The following RASGRP3 variants were observed in gnomAD, a reference collection of about 807,000 sequenced individuals.
RASGRP3 encodes RAS guanyl releasing protein 3, also known as ras guanyl-releasing protein 3.
Under a neutral mutation model 82.7 loss-of-function variants are expected in RASGRP3, and 54 were observed. That is an observed-to-expected ratio of 0.65 (90% CI 0.52 to 0.82). The LOEUF is 0.82. Ranked by LOEUF, RASGRP3 falls within the 40% of genes least tolerant of loss-of-function variation. RASGRP3 has a pLI of 0.00. For missense variants in RASGRP3, 861 were observed against 828.9 expected, an observed-to-expected ratio of 1.04 and a Z score of -0.48; for synonymous variants, 309 against 300.5, an observed-to-expected ratio of 1.03 and a Z score of -0.29.
chr2:33,555,283 T>C (rs1675820547), intron 14 of RASGRP3: 1 of 355,840 alleles, frequency 2.8e-6, no homozygotes, highest in Admixed American at 4.4e-5. Context: ...CATCAAACTT[T>C]AGTAGTTTCC....
chr2:33,499,414 C>G (rs770257921), intron 1 of RASGRP3, among the ~76,000 whole-genome samples: 1 of 152,088 alleles, frequency 6.6e-6, no homozygotes, highest in Non-Finnish European at 1.5e-5. Flanking sequence ...CAAAAATTAG[C>G]TGGGTGTGGT....
chr2:33,471,302 G>A (rs1355320586), intron 2 of RASGRP3, among the ~76,000 whole-genome samples: 2 of 129,928 alleles, frequency 1.5e-5, no homozygotes, highest in Non-Finnish European at 3.7e-5. Flanking sequence ...CATCCTCCCA[G>A]GTTGGTAGGA....
At chr2:33,547,915 C>G (rs938613037) in intron 13 of RASGRP3, among the ~76,000 whole-genome samples, 1 of 152,032 alleles carries the variant, frequency 6.6e-6, no homozygotes, top group African/African-American at 2.4e-5. Flanking sequence ...GGAAACATGT[C>G]TCCGTGTTAC....
At chr2:33,554,536 G>A (rs891487590) in intron 14 of RASGRP3, among the ~76,000 whole-genome samples, 13 of 151,724 alleles carry the variant, frequency 8.6e-5, no homozygotes, top group Non-Finnish European at 1.2e-4. Context: ...GCAGTGGTGC[G>A]GTCTCAGCTC....
chr2:33,507,561 T>C (rs1439894229), intron 1 of RASGRP3, among the ~76,000 whole-genome samples: 1 of 152,222 alleles, frequency 6.6e-6, no homozygotes, highest in African/African-American at 2.4e-5. Flanking sequence ...AGTCTCTCTA[T>C]GTTGCCCAGG....
chr2:33,508,447 C>T (rs62148985), intron 1 of RASGRP3, among the ~76,000 whole-genome samples: 12,578 of 152,182 alleles, frequency 0.083, 583 homozygotes, highest in Admixed American at 0.12. Context: ...GATCCATGCA[C>T]AGGTGGAGGG....
chr2:33,463,434 G>A (rs924036787), intron 2 of RASGRP3, among the ~76,000 whole-genome samples: 2 of 152,130 alleles, frequency 1.3e-5, no homozygotes, highest in African/African-American at 4.8e-5. Flanking sequence ...ACAGGGAAAA[G>A]AAAGAGAACT....
At chr2:33,491,271 G>A (rs891281962) in intron 1 of RASGRP3, among the ~76,000 whole-genome samples, 3 of 151,934 alleles carry the variant, frequency 2.0e-5, no homozygotes, top group Non-Finnish European at 4.4e-5. Flanking sequence ...AGCCGAGATC[G>A]TGCCACTACA....
At position 33,564,191 on chromosome 2, in the gene RASGRP3, C is replaced by CTT. The variant is rs1352513160; in HGVS notation, c.*1455_*1456dup. 4 of 152,170 alleles carry CTT rather than the reference C, an allele frequency of 2.6e-5. No homozygotes were observed. The East Asian group carries it at 5.8e-4, about 22-fold the overall frequency. The allele number at this position is 152,170 out of a possible 1,614,324, so 9.4% of individuals were successfully genotyped here. A position where few individuals can be genotyped will look rare whatever the true frequency, so the allele number is the denominator to read the frequency against. On this transcript the variant is annotated 3_prime_UTR_variant, in exon 18 of 18. Coordinates refer to ENST00000403687, the MANE Select transcript of RASGRP3 (RefSeq NM_001139488.2). ...GCTATATGCACAAAGTTAAGAAAAA[C>CTT]TTGGTCTTAGCCCTTGGGAGCTGAC...
At chr2:33,521,933 C>A (rs375657206) in intron 6 of RASGRP3, 22 bp from the exon 7 acceptor site, 1 of 1,594,380 alleles carries the variant, frequency 6.3e-7, no homozygotes, top group Non-Finnish European at 8.5e-7. Context: ...ACACATTGAC[C>A]GGACTCACTC....
At chr2:33,546,983 A>G (rs905742240) in intron 13 of RASGRP3, among the ~76,000 whole-genome samples, 1 of 142,602 alleles carries the variant, frequency 7.0e-6, no homozygotes, top group Non-Finnish European at 1.5e-5. Context: ...CAAGAGGGAG[A>G]GGTTGTGGTG....
chr2:33,557,011 A>G (rs1676056824), intron 15 of RASGRP3, among the ~76,000 whole-genome samples: 1 of 152,046 alleles, frequency 6.6e-6, no homozygotes, highest in Non-Finnish European at 1.5e-5. Context: ...GAAAAAAAAA[A>G]TGAATTGAAA....
At chr2:33,512,991 G>C (rs1221239516) in intron 2 of RASGRP3, among the ~76,000 whole-genome samples, 3 of 152,202 alleles carry the variant, frequency 2.0e-5, no homozygotes, top group Non-Finnish European at 4.4e-5. Flanking sequence ...CAAGTGAGAG[G>C]TGGGTGAGAG....
intron 10 of RASGRP3, chr2:33,532,105 A>T (rs1436570134): frequency 6.6e-6 from 1 of 152,220 alleles, no homozygotes; most frequent in Non-Finnish European, 1.5e-5. Flanking sequence ...AGCCTGGCAC[A>T]GTTGTCTGTT....
chr2:33,457,480 T>C (rs1386093882), intron 2 of RASGRP3, among the ~76,000 whole-genome samples: 1 of 152,206 alleles, frequency 6.6e-6, no homozygotes, highest in Non-Finnish European at 1.5e-5. Context: ...TTCCATTACA[T>C]CTTTTTCATG....
intron 2 of RASGRP3, among the ~76,000 whole-genome samples, chr2:33,452,685 C>G (rs1293667652): frequency 6.6e-6 from 1 of 152,206 alleles, no homozygotes; most frequent in Non-Finnish European, 1.5e-5. Context: ...CAAGGGCTAG[C>G]CTGGTTACTG....
chr2:33,474,221 C>A (rs905152289), upstream of RASGRP3, among the ~76,000 whole-genome samples: 1 of 152,094 alleles, frequency 6.6e-6, no homozygotes, highest in African/African-American at 2.4e-5. Context: ...GATGTAATTT[C>A]CAGTGTTGGA....
chr2:33,472,900 C>T (rs111989201), upstream of RASGRP3, among the ~76,000 whole-genome samples: 14 of 137,936 alleles, frequency 1.0e-4, no homozygotes, highest in East Asian at 4.3e-4. Context: ...CAAAAAGTGT[C>T]GGTTGCCTTT....
In RASGRP3 at chr2:33,548,304, T is replaced by A. The variant is rs374333839; in HGVS notation, c.1395-1300T>A. ...TGAACCTGGGAGGCGGAGCTTGCAG[T>A]GAGCCGAGATTGTGCCACTGCAATC... On this transcript the variant is annotated intron_variant, in intron 13 of 17. Coordinates refer to ENST00000403687, the MANE Select transcript of RASGRP3 (RefSeq NM_001139488.2). 3.8e-5 allele frequency among the ~76,000 whole-genome samples: 5 copies of A among 131,724 alleles called. No individual in the cohort carries two copies. In the South Asian group the frequency reaches 1.1e-3, roughly 30 times the overall value. The allele number at this position is 131,724 out of a possible 152,430, so 86.4% of individuals were successfully genotyped here.
Sources: gnomAD v4.1 joint callset for allele counts (sites outside exome capture counted in the v4.1 genomes callset) on GRCh38, gnomAD v4.1.1 for gene constraint, MANE v1.5 for transcripts, NCBI Gene and HGNC (gene_info 2026-07-23, HGNC 2026-07-21) for gene names.